The following ST6GALNAC6 variants were observed in gnomAD, a reference collection of about 807,000 sequenced individuals.
ST6GALNAC6 encodes alpha-N-acetylgalactosaminide alpha-2,6-sialyltransferase 6.
ST6GALNAC6 carries 19 observed loss-of-function variants against 34.3 expected under a neutral mutation model. That is an observed-to-expected ratio of 0.55 (90% CI 0.39 to 0.81). The LOEUF is 0.81. Ranked by LOEUF, ST6GALNAC6 falls within the 40% of genes least tolerant of loss-of-function variation. The pLI is 0.00. For synonymous variants in ST6GALNAC6, 185 were observed against 182.1 expected (o/e 1.02, Z -0.13); for missense variants, 377 against 467.7 (o/e 0.81, Z 1.79).
At chr9:127,896,160 G>C (rs532567376) in intron 3 of ST6GALNAC6, 82 bp downstream of exon 3, 6 of 1,471,692 alleles carry the variant, frequency 4.1e-6, no homozygotes, top group Admixed American at 1.7e-5. Context: ...TGGTGGCTGG[G>C]GTCTGAGACA....
rs1263202941 is a variant in ST6GALNAC6 at position 127,886,701 on chromosome 9, G to A, written c.900C>T (p.His300=). ...DECVTYIQNE[H]SRKGNHHRFI... is the part of the protein sequence containing the mutation. ...AGCGGTGGTGGTTGCCCTTGCGACT[G>A]TGCTCATTCTGGATGTAGGTGACAC... Residue 300 remains histidine, a synonymous_variant, in exon 7 of 7, where the codon CAC becomes CAT. Transcript: ENST00000373146. The A allele has an allele frequency of 2.0e-5, 33 of 1,614,034 alleles. No individual in the cohort carries two copies. The highest frequency in any genetic ancestry group is 2.6e-5 in the Non-Finnish European group (31 of 1,180,028).
Position 127,899,508 on chromosome 9 carries a change from G to T in ST6GALNAC6, c.-35C>A. On this transcript the variant is annotated 5_prime_UTR_variant, in exon 1 of 7. Transcript: ENST00000373146. ...CCCGCGCGGCGCCTGCTCACCTCCG[G>T]CGGGGAGCGCCCGGCCCCCCGCGGC... 1.0e-6 allele frequency: 1 copy of T among 979,410 alleles called. No individual in the cohort carries two copies. The allele number at this position is 979,410 out of a possible 1,614,324, so 60.7% of individuals were successfully genotyped here.
At position 127,885,464 on chromosome 9, in the gene ST6GALNAC6, T is replaced by G. The variant is rs1223115553; in HGVS notation, c.*1135A>C. 1 of 152,786 alleles carries G rather than the reference T, an allele frequency of 6.5e-6. No homozygotes were observed. Among genetic ancestry groups the G allele is most frequent in the Non-Finnish European group, 1.5e-5 (1 of 68,512 alleles). The allele number at this position is 152,786 out of a possible 1,614,324, so 9.5% of individuals were successfully genotyped here. A position where few individuals can be genotyped will look rare whatever the true frequency, so the allele number is the denominator to read the frequency against. On this transcript the variant is annotated 3_prime_UTR_variant, in exon 7 of 7. Transcript: ENST00000373146. ...TCCCTCCAGCCTCACAGCCTCCTCC[T>G]GAAGCCCTTTCCTTCCAGGCTCCAG...
intron 2 of ST6GALNAC6, chr9:127,897,156 T>G: frequency 2.0e-6 from 2 of 984,734 alleles, no homozygotes; most frequent in Non-Finnish European, 2.4e-6. Flanking sequence ...CACCCCAATC[T>G]CTTCCTCTCC....
upstream of ST6GALNAC6, chr9:127,903,018 G>A (rs1830814385): frequency 1.5e-5 from 1 of 67,966 alleles, no homozygotes; most frequent in Non-Finnish European, 2.6e-5. Flanking sequence ...TTTTTTTGGA[G>A]ATGGAGTCTT....
Position 127,890,514 on chromosome 9 carries a change from A to G in ST6GALNAC6, c.704+123T>C. 3 of 1,409,798 alleles carry G rather than the reference A, an allele frequency of 2.1e-6. No homozygotes were observed. The highest frequency in any genetic ancestry group is 1.4e-5 in the South Asian group (1 of 73,570). 87.3% of individuals were successfully genotyped at this position (1,409,798 alleles called of 1,614,324 possible). A position where few individuals can be genotyped will look rare whatever the true frequency, so the allele number is the denominator to read the frequency against. ...GAGAACTCTCCTAGGAGGCCCAACC[A>G]GAGGACGGCGGGACTTGACTACCCC... On this transcript the variant is annotated intron_variant, in intron 5 of 6. Coordinates refer to ENST00000373146, the MANE Select transcript of ST6GALNAC6 (RefSeq NM_013443.5). This position sits in a 1 kb window ranked among gnomAD's most constrained non-coding sequence, Gnocchi z 4.3.
At chr9:127,901,364 C>T (rs1403821079), upstream of ST6GALNAC6, among the ~76,000 whole-genome samples, 2 of 151,628 alleles carry the variant, frequency 1.3e-5, no homozygotes, top group Non-Finnish European at 2.9e-5. Context: ...GGGAGGCAGG[C>T]GGATCACTTG....
At chr9:127,892,649 T>A (rs554179701) in intron 4 of ST6GALNAC6, among the ~76,000 whole-genome samples, 22 of 152,334 alleles carry the variant, frequency 1.4e-4, no homozygotes, top group African/African-American at 5.1e-4. Context: ...GATGTAGCTA[T>A]AGTTGAATTA....
intron 5 of ST6GALNAC6, among the ~76,000 whole-genome samples, chr9:127,887,848 T>A (rs1437143416): frequency 4.6e-5 from 7 of 152,316 alleles, no homozygotes; most frequent in South Asian, 2.1e-4. Flanking sequence ...AGAAATGAAC[T>A]GTCTCCTGGG....
At position 127,890,820 on chromosome 9, in the gene ST6GALNAC6, C is replaced by T. The variant is rs140500825; in HGVS notation, c.521G>A (p.Arg174Gln). 9.0e-5 allele frequency: 145 copies of T among 1,613,696 alleles called. No homozygotes were observed. The highest frequency in any genetic ancestry group is 4.5e-4 in the Admixed American group (27 of 59,994). ...GAAGATGAACACGGTTTCAGGGGTC[C>T]GGTTGACAAACTCCTGGGGCCTCCT... The part of the protein sequence containing the change: ...VLRRPQEFVN[R>Q]TPETVFIFWG... The change falls in exon 5 of 7, where the codon CGG (arginine) becomes CAG (glutamine). Residue 174 changes from arginine to glutamine, a missense_variant. Transcript: ENST00000373146. The surrounding 1 kb of genome is among the most constrained non-coding windows in gnomAD (Gnocchi z 4.3).
rs1045464754 is a variant in ST6GALNAC6 at position 127,897,921 on chromosome 9, C to G, written c.26+35G>C. The G allele has an allele frequency of 2.5e-6, 4 of 1,613,446 alleles. No individual in the cohort carries two copies. The African/African-American group carries it at 5.3e-5, about 22-fold the overall frequency. ...GAAGGCCATGGTCAGTACAGCATGT[C>G]AGCTGCCAGTGCGAATCCCGGTTTC... On this transcript the variant is annotated intron_variant, in intron 2 of 6. Coordinates refer to ENST00000373146, the MANE Select transcript of ST6GALNAC6 (RefSeq NM_013443.5).
chr9:127,890,234 G>T lies in ST6GALNAC6; in HGVS notation c.704+403C>A, dbSNP rs143769325. On this transcript the variant is annotated intron_variant, in intron 5 of 6. Transcript: ENST00000373146. The surrounding 1 kb of genome is among the most constrained non-coding windows in gnomAD (Gnocchi z 4.3). ...GGCATGCTGGGAGTGATGCATCGCT[G>T]GAGCAGAGCATGCCAGGAGCAACTG... Among the ~76,000 whole-genome samples the T allele has an allele frequency of 2.9e-4, 44 of 152,222 alleles. No individual in the cohort carries two copies. The highest frequency in any genetic ancestry group is 6.3e-4 in the Non-Finnish European group (43 of 67,990).
chr9:127,894,950 TC>T (rs35151694), intron 3 of ST6GALNAC6, among the ~76,000 whole-genome samples: 1 of 152,082 alleles, frequency 6.6e-6, no homozygotes, highest in East Asian at 1.9e-4. Flanking sequence ...GTATCCTAGA[TC>T]CCAGGGCAGG....
In ST6GALNAC6 at chr9:127,886,624, G is replaced by C; in HGVS notation, c.977C>G (p.Thr326Ser). The C allele has an allele frequency of 6.2e-7, 1 of 1,613,976 alleles. No individual in the cohort carries two copies. The highest frequency in any genetic ancestry group is 8.5e-7 in the Non-Finnish European group (1 of 1,179,984). The change falls in exon 7 of 7, where the codon ACC becomes AGC. Residue 326 changes from threonine (T) to serine (S), a missense_variant. Physicochemically the swap from Thr to Ser is moderately conservative, Grantham distance 58 (BLOSUM62 1). Coordinates refer to ENST00000373146, the MANE Select transcript of ST6GALNAC6 (RefSeq NM_013443.5). ...CTAGGTCCAGGAGGGGTGGGAGAAG[G>C]TGATGCCATACAGCTGGGCCCACGA... ...FSSWAQLYGI[T>S]FSHPSWT is the part of the protein sequence containing the mutation.
rs1338242145 is a variant in ST6GALNAC6, at chr9:127,899,562, G to A, written c.-89C>T. 2 of 980,878 alleles carry A rather than the reference G, an allele frequency of 2.0e-6. No individual in the cohort carries two copies. The highest frequency in any genetic ancestry group is 3.5e-5 in the African/African-American group (2 of 56,762). 60.8% of individuals were successfully genotyped at this position (980,878 alleles called of 1,614,324 possible). A position where few individuals can be genotyped will look rare whatever the true frequency, so the allele number is the denominator to read the frequency against. ...CGAGCCCCCTCACATGGCGCCGGGAGCCGAGCGCCGGGGTCCGCGCTCCTC... is the reference window on the plus strand; with the variant it reads ...CGAGCCCCCTCACATGGCGCCGGGAACCGAGCGCCGGGGTCCGCGCTCCTC... On this transcript the variant is annotated 5_prime_UTR_variant, in exon 1 of 7. Transcript: ENST00000373146.
At chr9:127,899,253 AAG>A (rs1026189373) in intron 1 of ST6GALNAC6, 1 of 153,320 alleles carries the variant, frequency 6.5e-6, no homozygotes, top group African/African-American at 2.4e-5. Flanking sequence ...CTGGGAAGAA[AAG>A]AGAGGCAGGA....
Position 127,899,572 on chromosome 9 carries a change from G to C in ST6GALNAC6, c.-99C>G, listed in dbSNP as rs933909823. The C allele has an allele frequency of 2.0e-6, 2 of 981,042 alleles. No homozygotes were observed. Among genetic ancestry groups the C allele is most frequent in the Non-Finnish European group, 1.2e-6 (1 of 828,246 alleles). 60.8% of individuals were successfully genotyped at this position (981,042 alleles called of 1,614,324 possible). On this transcript the variant is annotated 5_prime_UTR_variant, in exon 1 of 7. Transcript: ENST00000373146. ...CACATGGCGCCGGGAGCCGAGCGCC[G>C]GGGTCCGCGCTCCTCAGGCCGCCCA...
chr9:127,886,382 A>G lies in ST6GALNAC6; in HGVS notation c.*217T>C. Reference sequence around the variant, plus strand: ...GTGCGCAGACCCTGACTGCACAAGAAAGACACCCCTGATTAACCGCATAGA... The same window carrying G: ...GTGCGCAGACCCTGACTGCACAAGAGAGACACCCCTGATTAACCGCATAGA... On this transcript the variant is annotated 3_prime_UTR_variant, in exon 7 of 7. Coordinates refer to ENST00000373146, the MANE Select transcript of ST6GALNAC6 (RefSeq NM_013443.5). 1 of 1,394,510 alleles carries G rather than the reference A, an allele frequency of 7.2e-7. No individual in the cohort carries two copies. The highest frequency in any genetic ancestry group is 9.4e-7 in the Non-Finnish European group (1 of 1,061,976). 86.4% of individuals were successfully genotyped at this position (1,394,510 alleles called of 1,614,324 possible). A position where few individuals can be genotyped will look rare whatever the true frequency, so the allele number is the denominator to read the frequency against.
chr9:127,896,413 A>G (rs1830458442), intron 2 of ST6GALNAC6, 81 bp from the exon 3 acceptor site: 10 of 1,243,926 alleles, frequency 8.0e-6, no homozygotes, highest in African/African-American at 1.5e-5. Flanking sequence ...TCTGCCCCGC[A>G]CTAGTTCTTC....
Sources: gnomAD v4.1 joint callset for allele counts (sites outside exome capture counted in the v4.1 genomes callset) on GRCh38, gnomAD v4.1.1 for gene constraint, Gnocchi (gnomAD v3.1) non-coding constraint, MANE v1.5 for transcripts, NCBI Gene and HGNC (gene_info 2026-07-23, HGNC 2026-07-21) for gene names.